The following MYO10 variants were observed in gnomAD, a reference collection of about 807,000 sequenced individuals.
MYO10 encodes myosin X, also known as unconventional myosin-X.
In MYO10, 133 loss-of-function variants were observed where a neutral mutation model predicts 257.3. The observed-to-expected ratio is 0.52, with a 90% CI of 0.45 to 0.60. The LOEUF (loss-of-function observed/expected upper bound fraction) is 0.60, where lower values mean the gene tolerates loss of function less well. MYO10 is among the 20% of genes least tolerant of loss of function. The pLI is 0.00. For synonymous variants in MYO10, 1,104 were observed against 1,028.6 expected (o/e 1.07, Z -1.40); for missense variants, 2,399 against 2,635.7 (o/e 0.91, Z 1.97).
chr5:16,853,839 A>G (rs1160816609), intron 2 of MYO10, among the ~76,000 whole-genome samples: 1 of 151,778 alleles, frequency 6.6e-6, no homozygotes, highest in Non-Finnish European at 1.5e-5. Flanking sequence ...TCAACCTCCT[A>G]TCCTCCTCCT....
intron 19 of MYO10, among the ~76,000 whole-genome samples, chr5:16,740,708 T>TCC (rs1413061895): frequency 6.6e-6 from 1 of 152,096 alleles, no homozygotes; most frequent in African/African-American, 2.4e-5. Context: ...GCAATGCGGT[T>TCC]CCGGACCTGA....
At chr5:16,923,026 A>G (rs1047651552) in intron 1 of MYO10, among the ~76,000 whole-genome samples, 2 of 151,998 alleles carry the variant, frequency 1.3e-5, no homozygotes, top group African/African-American at 4.8e-5. Context: ...GCAAGACTCT[A>G]TCTCAAAAAA....
At chr5:16,811,140 T>C (rs1434522616) in intron 3 of MYO10, among the ~76,000 whole-genome samples, 1 of 116,900 alleles carries the variant, frequency 8.6e-6, no homozygotes, top group Non-Finnish European at 1.8e-5. Context: ...AGCCCCAAAC[T>C]TTCCAGGTGA....
At chr5:16,743,151 G>C (rs2126633309) in intron 19 of MYO10, among the ~76,000 whole-genome samples, 1 of 152,238 alleles carries the variant, frequency 6.6e-6, no homozygotes, top group Admixed American at 6.5e-5. Context: ...ATTATGGAAT[G>C]TCAACGAGGT....
intron 1 of MYO10, among the ~76,000 whole-genome samples, chr5:16,925,826 C>A (rs116248958): frequency 6.6e-6 from 1 of 152,126 alleles, no homozygotes; most frequent in East Asian, 1.9e-4. Context: ...ACATAGACTG[C>A]CTGGTTATCT....
Position 16,703,035 on chromosome 5 carries a change from T to G in MYO10, c.2400A>C (p.Arg800Ser), listed in dbSNP as rs1561195259. ...KAAIVFQKQL[R>S]GQIARRVYRQ... ...TGTAAACTCTCCGAGCAATCTGACC[T>G]CTGAGTTGCTTCTGGAAAACTATGG... The change falls in exon 23 of 41, where the codon AGA becomes AGC. Residue 800 changes from arginine to serine, a missense_variant. By Grantham distance (110) the Arg-to-Ser change is moderately radical (BLOSUM62 -1). Around this residue, in one of 3 missense-constraint regions of MYO10, gnomAD observed 1,820 missense variants for 1,939.4 expected, o/e 0.94. Coordinates refer to ENST00000513610, the MANE Select transcript of MYO10 (RefSeq NM_012334.3). The G allele has an allele frequency of 1.9e-6, 3 of 1,554,004 alleles. No individual in the cohort carries two copies. The highest frequency in any genetic ancestry group is 1.7e-6 in the Non-Finnish European group (2 of 1,147,672).
rs186940139 is a variant in MYO10 at position 16,729,773 on chromosome 5, A to G, written c.1930-18528T>C. 1.4e-3 allele frequency among the ~76,000 whole-genome samples: 212 copies of G among 152,252 alleles called. 1 individual carries two copies. Among genetic ancestry groups the G allele is most frequent in the African/African-American group, 5.0e-3 (207 of 41,558 alleles). On this transcript the variant is annotated intron_variant, in intron 19 of 40. Transcript: ENST00000513610. ...GTTTTATTTTCTAGTGTGGCCCAAC[A>G]GCAACGCTTTGCTAAAAGAACTCCA...
At chr5:16,759,025 G>C (rs556330946) in intron 17 of MYO10, among the ~76,000 whole-genome samples, 1 of 151,874 alleles carries the variant, frequency 6.6e-6, no homozygotes, top group Non-Finnish European at 1.5e-5. Context: ...GGGTTCAAGC[G>C]ATTCTCCTGC....
intron 26 of MYO10, among the ~76,000 whole-genome samples, chr5:16,695,914 T>C (rs946939574): frequency 2.0e-5 from 3 of 152,218 alleles, no homozygotes; most frequent in African/African-American, 7.2e-5. Context: ...TCTTTGGTAA[T>C]TGTGCCAAGC....
chr5:16,730,648 G>A (rs920393400), intron 19 of MYO10, among the ~76,000 whole-genome samples: 8 of 152,188 alleles, frequency 5.3e-5, no homozygotes, highest in Admixed American at 3.9e-4. Context: ...TCAAGTTCAA[G>A]CCCAGCCAGA....
At chr5:16,711,322 C>CCT in intron 19 of MYO10, 77 bp from the exon 20 acceptor site, 1 of 1,453,964 alleles carries the variant, frequency 6.9e-7, no homozygotes, top group Non-Finnish European at 9.4e-7. Context: ...ATAAAGCCAC[C>CCT]TCCATCATTG....
chr5:16,781,120 C>T (rs1409251276), intron 6 of MYO10, among the ~76,000 whole-genome samples: 3 of 151,726 alleles, frequency 2.0e-5, no homozygotes, highest in African/African-American at 7.3e-5. Context: ...CGCTCTCTCG[C>T]CCAGGCTGGA....
chr5:16,753,401 T>C (rs1740437920), intron 19 of MYO10, among the ~76,000 whole-genome samples: 1 of 151,934 alleles, frequency 6.6e-6, no homozygotes, highest in South Asian at 2.1e-4. Flanking sequence ...TCTCCTGACC[T>C]TGTGATCCAC....
At position 16,683,773 on chromosome 5, in the gene MYO10, G is replaced by A. The variant is rs561937484; in HGVS notation, c.4046+107C>T. The A allele has an allele frequency of 5.0e-5, 55 of 1,103,314 alleles. No individual in the cohort carries two copies. The African/African-American group carries it at 7.5e-4, about 15-fold the overall frequency. 68.3% of individuals were successfully genotyped at this position (1,103,314 alleles called of 1,614,324 possible). On this transcript the variant is annotated intron_variant, in intron 30 of 40. Transcript: ENST00000513610. ...TGACAAGGTGGGAACACACAGCCTTGCGTGATTTCACAGCCCTGTGAAGAG... is the reference window on the plus strand; with the variant it reads ...TGACAAGGTGGGAACACACAGCCTTACGTGATTTCACAGCCCTGTGAAGAG...
chr5:16,790,495 G>A (rs781126046), intron 4 of MYO10, among the ~76,000 whole-genome samples: 2 of 152,180 alleles, frequency 1.3e-5, no homozygotes, highest in African/African-American at 2.4e-5. Flanking sequence ...ACTGAATCAT[G>A]AGGGTGGTTT....
At chr5:16,883,247 G>A (rs541787819) in intron 1 of MYO10, among the ~76,000 whole-genome samples, 3 of 152,222 alleles carry the variant, frequency 2.0e-5, no homozygotes, top group African/African-American at 2.4e-5. Context: ...CCCAGCCTAC[G>A]TATTTCTCAA....
intron 1 of MYO10, among the ~76,000 whole-genome samples, chr5:16,921,872 G>A (rs1002492013): frequency 4.6e-5 from 7 of 151,916 alleles, no homozygotes; most frequent in African/African-American, 9.7e-5. Context: ...TATGCAGGAC[G>A]GCCACCACCG....
At chr5:16,717,765 A>G (rs953775409) in intron 19 of MYO10, among the ~76,000 whole-genome samples, 4 of 152,174 alleles carry the variant, frequency 2.6e-5, no homozygotes, top group African/African-American at 9.7e-5. Context: ...TTTGCATCTC[A>G]TACTGAGAGG....
intron 19 of MYO10, among the ~76,000 whole-genome samples, chr5:16,717,963 A>G (rs576401417): frequency 7.1e-4 from 108 of 152,238 alleles, no homozygotes; most frequent in African/African-American, 2.5e-3. Context: ...GAGAGGCACG[A>G]GCGGGAACCG....
Sources: allele counts gnomAD v4.1 joint callset (sites outside exome capture counted in the v4.1 genomes callset), GRCh38; gene constraint gnomAD v4.1.1; regional missense constraint gnomAD v4.1.1; transcripts MANE v1.5; gene names NCBI Gene and HGNC (gene_info 2026-07-23, HGNC 2026-07-21).